The following AOPEP variants were observed in gnomAD, a reference collection of about 807,000 sequenced individuals.
AOPEP encodes the protein aminopeptidase O (putative), also known as aminopeptidase O.
A neutral mutation model predicts 98.1 loss-of-function variants in AOPEP; 77 were observed. That is an observed-to-expected ratio of 0.78 (90% confidence interval 0.65 to 0.95). AOPEP has a LOEUF of 0.95. Among genes scored for constraint, AOPEP ranks in the 40% least tolerant of loss-of-function variants. AOPEP has a pLI of 0.00. For synonymous variants in AOPEP, 346 were observed against 365.3 expected, an observed-to-expected ratio of 0.95 and a Z score of 0.60; for missense variants, 1,024 against 1,024.7, an observed-to-expected ratio of 1.00 and a Z score of 0.01.
intron 9 of AOPEP, among the ~76,000 whole-genome samples, chr9:94,960,848 T>G (rs984460819): frequency 1.3e-5 from 2 of 151,724 alleles, no homozygotes; most frequent in African/African-American, 4.8e-5. Flanking sequence ...CCGTCTCTAC[T>G]AAAAATACAA....
chr9:95,092,501 C>T, the AOPEP span, among the ~76,000 whole-genome samples: 6 of 152,226 alleles, frequency 3.9e-5, no homozygotes, highest in African/African-American at 1.4e-4. Flanking sequence ...GCCCAGACAG[C>T]TCATCTGTGG....
intron 11 of AOPEP, among the ~76,000 whole-genome samples, chr9:95,002,291 T>A (rs2132609759): frequency 6.6e-6 from 1 of 152,018 alleles, no homozygotes; most frequent in East Asian, 1.9e-4. Flanking sequence ...ATAACATATT[T>A]ATTGAATTTC....
intron 5 of AOPEP, among the ~76,000 whole-genome samples, chr9:94,816,891 G>A (rs1177943750): frequency 2.0e-5 from 3 of 152,216 alleles, no homozygotes; most frequent in African/African-American, 7.2e-5. Context: ...GGCCACGAAG[G>A]CCTGTGCACA....
chr9:94,790,258 C>T (rs1035991481), intron 3 of AOPEP, among the ~76,000 whole-genome samples: 2 of 151,672 alleles, frequency 1.3e-5, no homozygotes, highest in Non-Finnish European at 2.9e-5. Context: ...CCTCTGCCTC[C>T]CAGGTTCAAG....
At chr9:95,004,151 C>T in intron 11 of AOPEP, 1 of 451,406 alleles carries the variant, frequency 2.2e-6, no homozygotes. Flanking sequence ...GGTCAAGACC[C>T]AGCAAGCAAC....
chr9:94,758,842 A>T (rs754670009), intron 1 of AOPEP, among the ~76,000 whole-genome samples: 26 of 152,106 alleles, frequency 1.7e-4, no homozygotes, highest in Non-Finnish European at 3.4e-4. Context: ...CAGAACTTTT[A>T]TGAAGAACTT....
At chr9:95,093,319 G>A in the AOPEP span, among the ~76,000 whole-genome samples, 1 of 152,188 alleles carries the variant, frequency 6.6e-6, no homozygotes, top group South Asian at 2.1e-4. Context: ...TCCAGTCATA[G>A]TAAGTAGACT....
chr9:94,839,828 G>A (rs562303748), intron 5 of AOPEP, among the ~76,000 whole-genome samples: 3 of 152,168 alleles, frequency 2.0e-5, no homozygotes, highest in South Asian at 2.1e-4. Context: ...GAGTGCAGTG[G>A]TACAATGATA....
At chr9:94,748,187 G>A (rs969289321) in intron 1 of AOPEP, among the ~76,000 whole-genome samples, 3 of 152,012 alleles carry the variant, frequency 2.0e-5, no homozygotes, top group African/African-American at 4.8e-5. Flanking sequence ...TGTTTTCTGT[G>A]GCCTTCATTG....
At chr9:94,905,317 A>T (rs1177664896) in intron 5 of AOPEP, among the ~76,000 whole-genome samples, 1 of 152,226 alleles carries the variant, frequency 6.6e-6, no homozygotes, top group Non-Finnish European at 1.5e-5. Flanking sequence ...TAAAATTAAA[A>T]TATTGGCTTC....
chr9:95,095,514 T>C, the AOPEP span, among the ~76,000 whole-genome samples: 589 of 152,336 alleles, frequency 3.9e-3, 13 homozygotes, highest in East Asian at 1.9e-3. Flanking sequence ...GTGCTGCAAA[T>C]ACTTCTTCTT....
intron 1 of AOPEP, among the ~76,000 whole-genome samples, chr9:94,740,484 A>C (rs780792495): frequency 2.0e-5 from 3 of 152,238 alleles, no homozygotes; most frequent in Non-Finnish European, 4.4e-5. Flanking sequence ...TGATTAATGC[A>C]TAACCCTTCC....
intron 3 of AOPEP, among the ~76,000 whole-genome samples, chr9:94,790,058 G>A (rs1237257115): frequency 6.6e-6 from 1 of 151,390 alleles, no homozygotes; most frequent in Non-Finnish European, 1.5e-5. Flanking sequence ...TGTATTTTTA[G>A]TAGAGACGGG....
intron 5 of AOPEP, among the ~76,000 whole-genome samples, chr9:94,824,932 A>G (rs1367814763): frequency 6.8e-6 from 1 of 148,000 alleles, no homozygotes; most frequent in South Asian, 2.1e-4. Context: ...TAATGGCACC[A>G]AAATTAACAT....
the AOPEP span, among the ~76,000 whole-genome samples, chr9:95,129,114 G>A: frequency 6.6e-6 from 1 of 151,996 alleles, no homozygotes; most frequent in African/African-American, 2.4e-5. Flanking sequence ...TGTTGGCCAG[G>A]ATGGTCTCGA....
chr9:94,781,623 C>T (rs1470211099), intron 3 of AOPEP, among the ~76,000 whole-genome samples: 7 of 150,746 alleles, frequency 4.6e-5, no homozygotes, highest in African/African-American at 9.7e-5. Context: ...TGCAGTGGCA[C>T]GATCTCCGCT....
chr9:94,738,985 C>T (rs1832442327), intron 1 of AOPEP, among the ~76,000 whole-genome samples: 1 of 152,198 alleles, frequency 6.6e-6, no homozygotes, highest in South Asian at 2.1e-4. Flanking sequence ...CAGAAAGTGT[C>T]TATTAAGCAT....
chr9:94,795,721 A>C (rs1480154810), intron 4 of AOPEP, among the ~76,000 whole-genome samples: 1 of 152,198 alleles, frequency 6.6e-6, no homozygotes, highest in Non-Finnish European at 1.5e-5. Context: ...ATGGCTTCTC[A>C]GTTTTCTTGC....
chr9:94,997,661 A>C (rs2061325939), intron 11 of AOPEP, among the ~76,000 whole-genome samples: 1 of 152,162 alleles, frequency 6.6e-6, no homozygotes, highest in Non-Finnish European at 1.5e-5. Context: ...CACTGATCTA[A>C]AGGCACCCTT....
Sources: gnomAD v4.1 joint callset for allele counts (sites outside exome capture counted in the v4.1 genomes callset) on GRCh38, gnomAD v4.1.1 for gene constraint, MANE v1.5 for transcripts, NCBI Gene and HGNC (gene_info 2026-07-23, HGNC 2026-07-21) for gene names.